The following CASK variants were observed in gnomAD, a reference collection of about 807,000 sequenced individuals.
CASK encodes peripheral plasma membrane protein CASK.
In CASK, 4 loss-of-function variants were observed where a neutral mutation model predicts 82.9. That is an observed-to-expected ratio of 0.05 (90% CI 0.02 to 0.11). The LOEUF is 0.11. CASK is among the 10% of genes least tolerant of loss of function. The probability of loss-of-function intolerance (pLI) is 1.00; values close to 1 mark genes in which losing one functional copy is unlikely to be tolerated. For missense variants in CASK, 358 were observed against 720.9 expected, an observed-to-expected ratio of 0.50 and a Z score of 5.76; for synonymous variants, 259 against 253.5, an observed-to-expected ratio of 1.02 and a Z score of -0.20.
chrX:41,872,165 T>C (rs1271507496), intron 1 of CASK, among the ~76,000 whole-genome samples: 2 of 112,891 alleles, frequency 1.8e-5, no homozygotes, highest in African/African-American at 6.4e-5. Flanking sequence ...AAAAACGGTA[T>C]GGCCTGCAAA....
intron 10 of CASK, 84 bp from the exon 11 acceptor site, chrX:41,622,718 A>G: frequency 1.3e-6 from 1 of 786,977 alleles, no homozygotes. Flanking sequence ...TCGGCCCACT[A>G]CATGAGCCAC....
rs780307336 is a variant in CASK, at chrX:41,889,099, T to C, written c.59+33831A>G. ...AGACCCATTCAACCTCTATTCCAAT[T>C]GTTGAGAACTAGAAATGACATTTTT... On this transcript the variant is annotated intron_variant, in intron 1 of 26. Transcript: ENST00000378163. Among the ~76,000 whole-genome samples the C allele has an allele frequency of 2.7e-5, 3 of 109,260 alleles. No individual in the cohort carries two copies. The East Asian group carries it at 8.6e-4, about 31-fold the overall frequency. 94.9% of individuals were successfully genotyped at this position (109,260 alleles called of 115,157 possible). A position where few individuals can be genotyped will look rare whatever the true frequency, so the allele number is the denominator to read the frequency against.
chrX:41,867,990 C>CT (rs1266188669), intron 1 of CASK, among the ~76,000 whole-genome samples: 4 of 112,007 alleles, frequency 3.6e-5, no homozygotes, highest in African/African-American at 1.3e-4. Context: ...CACATGATCA[C>CT]CTTTTTGTGA....
chrX:41,708,231 C>A (rs1044947502), intron 5 of CASK, among the ~76,000 whole-genome samples: 6 of 111,167 alleles, frequency 5.4e-5, no homozygotes, highest in Non-Finnish European at 1.1e-4. Context: ...TTCTCCTATA[C>A]TGTCTTCATT....
intron 5 of CASK, among the ~76,000 whole-genome samples, chrX:41,705,547 TAA>T (rs993833122): frequency 9.5e-6 from 1 of 104,746 alleles, no homozygotes; most frequent in African/African-American, 3.5e-5. Flanking sequence ...AGAGATCTTC[TAA>T]AAAAAAAAAA....
intron 3 of CASK, among the ~76,000 whole-genome samples, chrX:41,776,637 G>A (rs183164109): frequency 7.1e-5 from 8 of 111,939 alleles, no homozygotes; most frequent in African/African-American, 2.6e-4. Context: ...GTTAGTACAA[G>A]GAAAGGGAAA....
intron 1 of CASK, among the ~76,000 whole-genome samples, chrX:41,914,665 T>C (rs924410901): frequency 1.8e-5 from 2 of 112,385 alleles, no homozygotes; most frequent in Non-Finnish European, 3.8e-5. Context: ...TTAAAGTAAA[T>C]GTAAAGTATC....
chrX:41,725,668 A>G (rs1317710219), intron 5 of CASK, among the ~76,000 whole-genome samples: 1 of 112,103 alleles, frequency 8.9e-6, no homozygotes, highest in African/African-American at 3.2e-5. Flanking sequence ...TTTGTATATG[A>G]TTCTTCAGCA....
At chrX:41,534,085 C>T (rs1449214348) in intron 24 of CASK, among the ~76,000 whole-genome samples, 1 of 111,679 alleles carries the variant, frequency 9.0e-6, no homozygotes, top group African/African-American at 3.3e-5. Context: ...TCCTGAATTA[C>T]TTCATTTTAC....
chrX:41,657,737 T>G (rs1423039690), intron 8 of CASK, among the ~76,000 whole-genome samples: 1 of 110,925 alleles, frequency 9.0e-6, no homozygotes, highest in South Asian at 3.8e-4. Context: ...TGGCCTATAT[T>G]TTTTTAATGT....
At chrX:41,649,451 T>C (rs2066824994) in intron 8 of CASK, among the ~76,000 whole-genome samples, 1 of 112,007 alleles carries the variant, frequency 8.9e-6, no homozygotes, top group African/African-American at 3.3e-5. Flanking sequence ...TCTAGTATGT[T>C]GTGTCTTTGT....
chrX:41,652,987 G>T (rs1037346732), intron 8 of CASK, among the ~76,000 whole-genome samples: 15 of 111,874 alleles, frequency 1.3e-4, no homozygotes, highest in Non-Finnish European at 7.5e-5. Flanking sequence ...AGGCCTTGGG[G>T]ACCAAGCCCT....
At chrX:41,782,538 T>C (rs1452932579) in intron 3 of CASK, among the ~76,000 whole-genome samples, 1 of 112,150 alleles carries the variant, frequency 8.9e-6, no homozygotes, top group East Asian at 2.8e-4. Context: ...TAATACTTTA[T>C]AGTTAAAAAG....
At chrX:41,545,583 T>C (rs1291940913) in intron 21 of CASK, among the ~76,000 whole-genome samples, 1 of 112,047 alleles carries the variant, frequency 8.9e-6, no homozygotes, top group Non-Finnish European at 1.9e-5. Flanking sequence ...AGTCTTGGTA[T>C]CTGGTAGAGC....
chrX:41,630,485 A>G (rs1353458086), intron 9 of CASK, among the ~76,000 whole-genome samples: 1 of 112,192 alleles, frequency 8.9e-6, no homozygotes, highest in Non-Finnish European at 1.9e-5. Flanking sequence ...TTTAAACCTT[A>G]AATACAAAAT....
intron 2 of CASK, among the ~76,000 whole-genome samples, chrX:41,820,890 C>T (rs1272932487): frequency 9.0e-6 from 1 of 111,022 alleles, no homozygotes; most frequent in African/African-American, 3.3e-5. Context: ...AGTGCTGGAG[C>T]GAATGGCTAC....
At position 41,660,523 on chromosome X, in the gene CASK, G is replaced by A. The variant is rs1417028154; in HGVS notation, c.747C>T (p.Ala249=). 8.3e-7 allele frequency: 1 copy of A among 1,204,717 alleles called. No homozygotes were observed. The highest frequency in any genetic ancestry group is 1.1e-6 in the Non-Finnish European group (1 of 889,132). The part of the protein sequence containing the change: ...PRQWSHISES[A]KDLVRRMLML... ...TCAGCATGCGACGTACTAGGTCTTT[G>A]GCACTTTCAGAGATATGGCTCCACT... The change falls in exon 8 of 27, where the codon GCC becomes GCT. Residue 249 remains alanine, a synonymous_variant. Transcript: ENST00000378163.
At chrX:41,875,368 C>T (rs1295744573) in intron 1 of CASK, among the ~76,000 whole-genome samples, 6 of 111,642 alleles carry the variant, frequency 5.4e-5, no homozygotes, top group South Asian at 7.4e-4. Flanking sequence ...AGAGCATTTG[C>T]GAAATCATTT....
Position 41,794,508 on chromosome X carries a change from C to T in CASK, c.173-7225G>A, listed in dbSNP as rs778792623. 2.1e-4 allele frequency among the ~76,000 whole-genome samples: 24 copies of T among 112,145 alleles called. No homozygotes were observed. In the South Asian group the frequency reaches 8.8e-3, roughly 41 times the overall value. On this transcript the variant is annotated intron_variant, in intron 2 of 26. Transcript: ENST00000378163. ...AAGGGGGGAAGATCAGGGCATTTGA[C>T]TATTAGAAAAACCAGACACCTATTT...
Sources: allele counts gnomAD v4.1 joint callset (sites outside exome capture counted in the v4.1 genomes callset), GRCh38; gene constraint gnomAD v4.1.1; transcripts MANE v1.5; gene names NCBI Gene and HGNC (gene_info 2026-07-23, HGNC 2026-07-21).